The following USP35 variants were observed in gnomAD, a reference collection of about 807,000 sequenced individuals.
The protein encoded by USP35 is ubiquitin specific peptidase 35.
Under a neutral mutation model 83.8 loss-of-function variants are expected in USP35, and 69 were observed. The observed-to-expected ratio is 0.82, with a 90% CI of 0.68 to 1.01. USP35 has a LOEUF of 1.01. Among genes scored for constraint, USP35 ranks in the 50% least tolerant of loss-of-function variants. USP35 has a pLI of 0.00. For synonymous variants in USP35, 714 were observed against 589.5 expected (o/e 1.21, Z -3.06); for missense variants, 1,503 against 1,362.5 (o/e 1.10, Z -1.62).
chr11:78,226,904 C>A, the USP35 span: 1 of 1,614,020 alleles, frequency 6.2e-7, no homozygotes. Flanking sequence ...CTGTATTGTG[C>A]CGGCTCGGCT....
At chr11:78,198,346 C>A (rs945311109) in intron 3 of USP35, among the ~76,000 whole-genome samples, 3 of 152,152 alleles carry the variant, frequency 2.0e-5, no homozygotes, top group African/African-American at 7.2e-5. Context: ...TCAGTTTCCC[C>A]CTCTGTAAAA....
In USP35 at chr11:78,209,801, C is replaced by A; in HGVS notation, c.1946C>A (p.Thr649Lys). The A allele has an allele frequency of 6.2e-7, 1 of 1,613,798 alleles. No homozygotes were observed. The highest frequency in any genetic ancestry group is 8.5e-7 in the Non-Finnish European group (1 of 1,179,896). Residue 649 changes from threonine to lysine, a missense_variant, in exon 10 of 11, where the codon ACA (threonine) becomes AAA (lysine). Thr to Lys is a moderately conservative substitution (Grantham distance 78). Transcript: ENST00000529308. ...GPRRQRKHCI[T>K]EDTPPTSLYI... ...CGGAGGCAAAGGAAACACTGCATCA[C>A]AGAGGACACCCCCCCCACCAGCCTG...
the USP35 span, chr11:78,221,679 T>C: frequency 3.3e-5 from 53 of 1,604,720 alleles, no homozygotes; most frequent in African/African-American, 5.8e-4. Flanking sequence ...GGACTCACCA[T>C]AGGGACATAG....
intron 1 of USP35, among the ~76,000 whole-genome samples, chr11:78,192,843 A>G (rs772133871): frequency 2.0e-5 from 3 of 152,204 alleles, no homozygotes; most frequent in Admixed American, 6.5e-5. Flanking sequence ...ACAATGAGTC[A>G]GGGCTAGAAT....
At chr11:78,191,861 TGAGAC>T (rs1863014964) in intron 1 of USP35, among the ~76,000 whole-genome samples, 1 of 149,044 alleles carries the variant, frequency 6.7e-6, no homozygotes. Context: ...TTTTTTTTTT[TGAGAC>T]GGAGTCTTGC....
the USP35 span, among the ~76,000 whole-genome samples, chr11:78,233,040 G>GTTTTT: frequency 7.6e-6 from 1 of 132,004 alleles, no homozygotes. Context: ...GCACTGTTAA[G>GTTTTT]TTTTTTTTTT....
At chr11:78,226,924 T>C in the USP35 span, 2 of 1,613,932 alleles carry the variant, frequency 1.2e-6, no homozygotes, top group Non-Finnish European at 8.5e-7. Context: ...TTGGGAAGGC[T>C]ATAGAAGCCA....
In USP35 at chr11:78,205,823, C is replaced by T. The variant is rs1863512538; in HGVS notation, c.1198-19C>T. The T allele has an allele frequency of 1.3e-6, 2 of 1,594,484 alleles. No individual in the cohort carries two copies. The highest frequency in any genetic ancestry group is 1.7e-6 in the Non-Finnish European group (2 of 1,166,340). ...CCCTGGTGCCCACCATCCTGCCTGCCTGCTTATTCCCTCCTCAGGACCTCC... is the reference window on the plus strand; with the variant it reads ...CCCTGGTGCCCACCATCCTGCCTGCTTGCTTATTCCCTCCTCAGGACCTCC... On this transcript the variant is annotated intron_variant, in intron 6 of 10. Transcript: ENST00000529308.
At chr11:78,231,222 A>G in the USP35 span, among the ~76,000 whole-genome samples, 1 of 152,348 alleles carries the variant, frequency 6.6e-6, no homozygotes, top group Admixed American at 6.5e-5. Flanking sequence ...TATTCCCTCA[A>G]GCCAGCAGTG....
At chr11:78,209,230 C>T (rs1354153567) in intron 9 of USP35, among the ~76,000 whole-genome samples, 1 of 152,132 alleles carries the variant, frequency 6.6e-6, no homozygotes, top group Non-Finnish European at 1.5e-5. Flanking sequence ...GAGCACATTA[C>T]ATAGCTCCAG....
Position 78,198,727 on chromosome 11 carries a change from C to A in USP35, c.806+659C>A, listed in dbSNP as rs533842643. The A allele has an allele frequency of 5.0e-4, 495 of 983,308 alleles. 1 individual carries two copies. In the African/African-American group the frequency reaches 8.2e-3, roughly 16 times the overall value. The allele number at this position is 983,308 out of a possible 1,614,324, so 60.9% of individuals were successfully genotyped here. A position where few individuals can be genotyped will look rare whatever the true frequency, so the allele number is the denominator to read the frequency against. ...GAGTGTGGGCTCTCGAGGTAAGTTG[C>A]TAGAGGTCAAATCCCGCCTCTACCA... On this transcript the variant is annotated intron_variant, in intron 3 of 10. Transcript: ENST00000529308.
downstream of USP35, chr11:78,216,626 G>A (rs1302261659): frequency 1.3e-5 from 2 of 150,516 alleles, no homozygotes; most frequent in Non-Finnish European, 2.9e-5. Context: ...AGAATAGGGG[G>A]CTGGAAGGAA....
chr11:78,236,350 C>T, the USP35 span, among the ~76,000 whole-genome samples: 1 of 152,144 alleles, frequency 6.6e-6, no homozygotes, highest in Admixed American at 6.5e-5. Context: ...AGGGTTTCGC[C>T]ATGTTGCTCA....
At chr11:78,224,074 T>G in the USP35 span, among the ~76,000 whole-genome samples, 1 of 152,028 alleles carries the variant, frequency 6.6e-6, no homozygotes, top group South Asian at 2.1e-4. Context: ...AGAGTGAGAC[T>G]CTGTTTCAAA....
chr11:78,204,016 A>G (rs1488072018), intron 6 of USP35, among the ~76,000 whole-genome samples: 18 of 129,700 alleles, frequency 1.4e-4, no homozygotes, highest in East Asian at 6.9e-4. Context: ...TCAGCCTCCC[A>G]AGTAGCTGGG....
At chr11:78,205,624 C>T (rs1863506549) in intron 6 of USP35, among the ~76,000 whole-genome samples, 1 of 152,166 alleles carries the variant, frequency 6.6e-6, no homozygotes, top group South Asian at 2.1e-4. Flanking sequence ...CACCTTAAGG[C>T]AGTCCTGACC....
At chr11:78,232,240 A>G in the USP35 span, among the ~76,000 whole-genome samples, 1 of 152,228 alleles carries the variant, frequency 6.6e-6, no homozygotes, top group South Asian at 2.1e-4. Flanking sequence ...CCATCTTTCT[A>G]TAGACTACTG....
intron 7 of USP35, among the ~76,000 whole-genome samples, chr11:78,206,372 C>T (rs1863530622): frequency 6.6e-6 from 1 of 152,214 alleles, no homozygotes; most frequent in Non-Finnish European, 1.5e-5. Context: ...TGGTATTAGA[C>T]ATCTCTCTCT....
intron 3 of USP35, chr11:78,199,327 C>G: frequency 2.4e-6 from 1 of 422,914 alleles, no homozygotes; most frequent in Non-Finnish European, 4.4e-6. Flanking sequence ...TCTGGCATTG[C>G]AGCCCAGTGT....
Sources: gnomAD v4.1 joint callset for allele counts (sites outside exome capture counted in the v4.1 genomes callset) on GRCh38, gnomAD v4.1.1 for gene constraint, MANE v1.5 for transcripts, NCBI Gene and HGNC (gene_info 2026-07-23, HGNC 2026-07-21) for gene names.